The following PWWP2A variants were observed in gnomAD, a reference collection of about 807,000 sequenced individuals.
PWWP2A encodes the protein PWWP domain containing 2A, also known as PWWP domain-containing protein 2A.
Under a neutral mutation model 48.5 loss-of-function variants are expected in PWWP2A, and 18 were observed. The observed-to-expected ratio is 0.37, with a 90% CI of 0.26 to 0.55. The LOEUF is 0.55. PWWP2A is among the 20% of genes least tolerant of loss of function. PWWP2A has a pLI of 0.81. For synonymous variants in PWWP2A, 396 were observed against 387.7 expected (o/e 1.02, Z -0.25); for missense variants, 867 against 976.4 (o/e 0.89, Z 1.49).
the PWWP2A span, among the ~76,000 whole-genome samples, chr5:160,046,562 A>G: frequency 6.6e-6 from 1 of 152,156 alleles, no homozygotes; most frequent in Non-Finnish European, 1.5e-5. Flanking sequence ...TCTATAAATT[A>G]GCACAATGTA....
Position 160,118,927 on chromosome 5 carries a change from C to G in PWWP2A, c.462G>C (p.Ser154=). The change falls in exon 1 of 2, where the codon TCG becomes TCC. Residue 154 remains serine (S), a synonymous_variant. Coordinates refer to ENST00000307063, the MANE Select transcript of PWWP2A (RefSeq NM_001130864.2). The part of the protein sequence containing the change: ...VPPAGGDSTV[S]QLIPGSEVRV... ...GCACCTCCGAGCCCGGGATCAGTTG[C>G]GACACCGTGGAGTCCCCGCCCGCCG... 2 of 1,600,580 alleles carry G rather than the reference C, an allele frequency of 1.2e-6. No homozygotes were observed. The highest frequency in any genetic ancestry group is 1.7e-6 in the Non-Finnish European group (2 of 1,174,568).
intron 1 of PWWP2A, among the ~76,000 whole-genome samples, chr5:160,115,725 G>C (rs537189829): frequency 6.6e-6 from 1 of 151,740 alleles, no homozygotes; most frequent in Admixed American, 6.6e-5. Flanking sequence ...TTAGCCAGGC[G>C]TGGTGGTATG....
chr5:160,082,296 T>C (rs545314310), intron 2 of PWWP2A, among the ~76,000 whole-genome samples: 55 of 151,640 alleles, frequency 3.6e-4, no homozygotes, highest in African/African-American at 1.3e-3. Context: ...TACAAAAAAT[T>C]AGCCGGGCGT....
At chr5:160,048,746 C>G in the PWWP2A span, among the ~76,000 whole-genome samples, 56 of 152,224 alleles carry the variant, frequency 3.7e-4, no homozygotes, top group African/African-American at 1.3e-3. Flanking sequence ...TTCAAATTCT[C>G]TCTCACCTAG....
intron 1 of PWWP2A, among the ~76,000 whole-genome samples, chr5:160,095,174 A>G (rs1389126152): frequency 2.0e-5 from 3 of 151,618 alleles, no homozygotes; most frequent in Non-Finnish European, 4.4e-5. Context: ...TTTGTGATAC[A>G]TAATTTCTTT....
intron 1 of PWWP2A, chr5:160,108,567 A>AT: frequency 7.8e-7 from 1 of 1,287,426 alleles, no homozygotes; most frequent in South Asian, 1.2e-5. Flanking sequence ...ATGGCTGTAT[A>AT]TTTTTCCCAC....
chr5:160,057,922 CA>C (rs1165685441), downstream of PWWP2A, among the ~76,000 whole-genome samples: 2 of 152,124 alleles, frequency 1.3e-5, no homozygotes, highest in African/African-American at 4.8e-5. This position sits in a 1 kb window ranked among gnomAD's most constrained non-coding sequence, Gnocchi z 4.4. Flanking sequence ...TGTATGCCAC[CA>C]CACCCAGCTA....
the PWWP2A span, among the ~76,000 whole-genome samples, chr5:160,045,554 C>T: frequency 0.046 from 5,300 of 114,794 alleles, 397 homozygotes; most frequent in East Asian, 0.093. Context: ...TCTCTCTCTC[C>T]CCCTCCCCTC....
downstream of PWWP2A, chr5:160,090,844 C>T: frequency 1.0e-6 from 1 of 984,562 alleles, no homozygotes; most frequent in Non-Finnish European, 1.2e-6. Context: ...GATAAACTTG[C>T]CTCCACAGCC....
At chr5:160,070,400 G>A (rs1458757558) in intron 2 of PWWP2A, among the ~76,000 whole-genome samples, 1 of 152,152 alleles carries the variant, frequency 6.6e-6, no homozygotes, top group East Asian at 1.9e-4. Flanking sequence ...TTGAGCCCAG[G>A]AGTTTGAGGC....
rs755988668 is a variant in PWWP2A at position 160,109,757 on chromosome 5, GAAA to G, written c.584+9045_584+9047del. On this transcript the variant is annotated intron_variant, in intron 1 of 1. Transcript: ENST00000307063. ...AGGAAATGCAAGAGGATGCAACTGG[GAAA>G]AAAAAAAAAAAAAAATATATATATA... 9.9e-3 allele frequency among the ~76,000 whole-genome samples: 528 copies of G among 53,224 alleles called. 11 individuals carry two copies. Among genetic ancestry groups the G allele is most frequent in the African/African-American group, 0.021 (270 of 13,104 alleles). The allele number at this position is 53,224 out of a possible 152,430, so 34.9% of individuals were successfully genotyped here.
intron 1 of PWWP2A, among the ~76,000 whole-genome samples, chr5:160,105,949 C>T (rs1347154366): frequency 6.6e-6 from 1 of 152,124 alleles, no homozygotes; most frequent in Non-Finnish European, 1.5e-5. Flanking sequence ...TTCACTACTG[C>T]CAAATCCAAG....
intron 1 of PWWP2A, among the ~76,000 whole-genome samples, chr5:160,097,864 A>T (rs73311168): frequency 0.013 from 1,943 of 151,622 alleles, 48 homozygotes; most frequent in African/African-American, 0.045. Context: ...TACAGACGCG[A>T]GCCATCACGC....
chr5:160,118,511 G>A (rs764401586), intron 1 of PWWP2A, among the ~76,000 whole-genome samples: 47 of 151,862 alleles, frequency 3.1e-4, no homozygotes, highest in Non-Finnish European at 5.9e-4. Flanking sequence ...GTGACTCCAG[G>A]CCAAGTCGCA....
chr5:160,065,147 T>C, intron 4 of PWWP2A: 1 of 1,552,128 alleles, frequency 6.4e-7, no homozygotes. Context: ...TGCCAATGTT[T>C]AACTTTTAAA....
chr5:160,086,355 T>C (rs73311130), downstream of PWWP2A, among the ~76,000 whole-genome samples: 2,347 of 151,744 alleles, frequency 0.015, 68 homozygotes, highest in African/African-American at 0.054. Context: ...CCTGTCTCTA[T>C]AAATAATTTT....
At chr5:160,076,022 C>G (rs887935277) in exon 4 of PWWP2A, 1 of 151,936 alleles carries the variant, frequency 6.6e-6, no homozygotes, top group Non-Finnish European at 1.5e-5. Flanking sequence ...GATTGAAATA[C>G]AGACAAAAGG....
At chr5:160,118,293 G>A (rs1355261964) in intron 1 of PWWP2A, among the ~76,000 whole-genome samples, 1 of 152,070 alleles carries the variant, frequency 6.6e-6, no homozygotes, top group Non-Finnish European at 1.5e-5. Context: ...TTTAACAAAT[G>A]CTCTTCCCCC....
chr5:160,046,352 T>C, the PWWP2A span, among the ~76,000 whole-genome samples: 2 of 152,218 alleles, frequency 1.3e-5, no homozygotes, highest in Non-Finnish European at 2.9e-5. Flanking sequence ...AAATTCTCTC[T>C]CTTAAATTTA....
Sources: gnomAD v4.1 joint callset for allele counts (sites outside exome capture counted in the v4.1 genomes callset) on GRCh38, gnomAD v4.1.1 for gene constraint, Gnocchi (gnomAD v3.1) non-coding constraint, MANE v1.5 for transcripts, NCBI Gene and HGNC (gene_info 2026-07-23, HGNC 2026-07-21) for gene names.